NRXN3: variants seen among roughly 807,000 people sequenced by gnomAD.
NRXN3 encodes neurexin 3.
Under a neutral mutation model 137.6 loss-of-function variants are expected in NRXN3, and 32 were observed. The ratio of observed to expected loss-of-function variants is 0.23; its 90% CI spans 0.18 to 0.31. The LOEUF (loss-of-function observed/expected upper bound fraction) is 0.31. Among genes scored for constraint, NRXN3 ranks in the 10% least tolerant of loss-of-function variants. The pLI is 1.00. For synonymous variants in NRXN3, 798 were observed against 784.5 expected, an observed-to-expected ratio of 1.02 and a Z score of -0.29; for missense variants, 1,574 against 2,062.5, an observed-to-expected ratio of 0.76 and a Z score of 4.59.
intron 15 of NRXN3, among the ~76,000 whole-genome samples, chr14:79,131,527 C>T (rs1392552273): frequency 6.6e-6 from 1 of 152,224 alleles, no homozygotes; most frequent in African/African-American, 2.4e-5. Context: ...AGGGGGCAGT[C>T]TGCCCGTTTT....
chr14:79,472,637 G>A (rs144540203), intron 16 of NRXN3, among the ~76,000 whole-genome samples: 145 of 152,276 alleles, frequency 9.5e-4, no homozygotes, highest in African/African-American at 3.4e-3. Flanking sequence ...TATTTCAAAT[G>A]TTAGTTTCCT....
At chr14:78,250,260 A>G in intron 2 of NRXN3, 1 of 347,226 alleles carries the variant, frequency 2.9e-6, no homozygotes, top group Non-Finnish European at 5.7e-6. Context: ...AAAATCGTAC[A>G]TCATGGAGTT....
intron 4 of NRXN3, among the ~76,000 whole-genome samples, chr14:78,639,279 G>A (rs943383732): frequency 1.3e-5 from 2 of 152,122 alleles, no homozygotes; most frequent in African/African-American, 2.4e-5. Context: ...GCTGCTGTAC[G>A]AGACCAATTT....
At chr14:78,552,551 A>G (rs1163039532) in intron 4 of NRXN3, among the ~76,000 whole-genome samples, 1 of 152,188 alleles carries the variant, frequency 6.6e-6, no homozygotes, top group Non-Finnish European at 1.5e-5. Flanking sequence ...CTGTAGCCCC[A>G]GCTACTCAGG....
chr14:78,519,172 A>C (rs1404592748), intron 4 of NRXN3, among the ~76,000 whole-genome samples: 2 of 152,158 alleles, frequency 1.3e-5, no homozygotes, highest in African/African-American at 2.4e-5. Context: ...GTTGAGACTT[A>C]TGGTAGCAAA....
chr14:78,775,475 G>T (rs2098741989), intron 8 of NRXN3, among the ~76,000 whole-genome samples: 1 of 152,044 alleles, frequency 6.6e-6, no homozygotes, highest in Non-Finnish European at 1.5e-5. Context: ...GTATTGTTTT[G>T]TTTTTTGCCC....
chr14:78,363,326 T>C (rs1436762836), intron 4 of NRXN3, among the ~76,000 whole-genome samples: 1 of 152,194 alleles, frequency 6.6e-6, no homozygotes, highest in Non-Finnish European at 1.5e-5. Flanking sequence ...TAGCTATGCC[T>C]CATTTATTTC....
intron 2 of NRXN3, among the ~76,000 whole-genome samples, chr14:78,247,133 C>T (rs895108343): frequency 1.3e-5 from 2 of 152,174 alleles, no homozygotes; most frequent in Non-Finnish European, 1.5e-5. Flanking sequence ...TTATCTCCAG[C>T]CCCCCTGCGG....
chr14:78,243,603 C>T lies in NRXN3; in HGVS notation c.510C>T (p.Pro170=), dbSNP rs377065354. The T allele has an allele frequency of 7.9e-5, 127 of 1,598,326 alleles. No homozygotes were observed. The highest frequency in any genetic ancestry group is 2.0e-4 in the Admixed American group (12 of 60,004). ...ALTLDGVQAM[P]GFKGLILDLK... ...CCCTTGATGGAGTTCAGGCCATGCC[C>T]GGCTTCAAGGGGTTAATTCTGGATC... Residue 170 remains proline, a synonymous_variant, in exon 2 of 21, where the codon CCC becomes CCT. Coordinates refer to ENST00000335750, the MANE Select transcript of NRXN3 (RefSeq NM_001330195.2). This position sits in a 1 kb window ranked among gnomAD's most constrained non-coding sequence, Gnocchi z 4.2.
rs17109341 is a variant in NRXN3, at chr14:79,516,321, A to G, written c.3444+48919A>G. Among the ~76,000 whole-genome samples, 60 of 152,264 alleles carry G rather than the reference A, an allele frequency of 3.9e-4. No homozygotes were observed. In the East Asian group the frequency reaches 9.9e-3, roughly 25 times the overall value. Reference sequence around the variant, plus strand: ...GCAGAGTTAATGCTGCCTGTTTTCCAGGTGACCTCAATCACTGCCTGGGGC... The same window carrying G: ...GCAGAGTTAATGCTGCCTGTTTTCCGGGTGACCTCAATCACTGCCTGGGGC... On this transcript the variant is annotated intron_variant, in intron 16 of 20. Transcript: ENST00000335750.
chr14:79,460,041 A>C (rs951012380), intron 15 of NRXN3, among the ~76,000 whole-genome samples: 1 of 152,094 alleles, frequency 6.6e-6, no homozygotes, highest in Non-Finnish European at 1.5e-5. Flanking sequence ...TGTGTTTCTG[A>C]AAATGTCATT....
chr14:78,229,093 A>G (rs927980514), intron 1 of NRXN3, among the ~76,000 whole-genome samples: 2 of 152,090 alleles, frequency 1.3e-5, no homozygotes, highest in Non-Finnish European at 2.9e-5. Flanking sequence ...ATGGTCCCTT[A>G]AATGTTGAGG....
chr14:79,773,141 A>C lies in NRXN3; in HGVS notation c.4015-31971A>C, dbSNP rs577720310. Among the ~76,000 whole-genome samples, 1,234 of 152,250 alleles carry C rather than the reference A, an allele frequency of 8.1e-3. 11 individuals carry two copies. The highest frequency in any genetic ancestry group is 0.028 in the African/African-American group (1,156 of 41,520). ...AGTCAGGAAACAACAGGTGCTGGAG[A>C]AGATGTGGAGAAATAGGAACACTTT... On this transcript the variant is annotated intron_variant, in intron 19 of 20. Transcript: ENST00000335750.
chr14:78,323,412 C>T (rs1404296833), intron 4 of NRXN3, among the ~76,000 whole-genome samples: 6 of 151,978 alleles, frequency 3.9e-5, no homozygotes, highest in African/African-American at 7.3e-5. Flanking sequence ...TTGGGTAAGA[C>T]GCAGCACACC....
intron 15 of NRXN3, among the ~76,000 whole-genome samples, chr14:79,037,776 G>A (rs1030712159): frequency 6.6e-6 from 1 of 152,102 alleles, no homozygotes; most frequent in Non-Finnish European, 1.5e-5. Context: ...GGAGATGAAG[G>A]GTTGTGGGAT....
intron 4 of NRXN3, among the ~76,000 whole-genome samples, chr14:78,314,059 C>T (rs2078277352): frequency 6.6e-6 from 1 of 152,170 alleles, no homozygotes; most frequent in Non-Finnish European, 1.5e-5. Flanking sequence ...AAAAGCGATT[C>T]ACTTTTTTTT....
At chr14:78,320,297 AC>A (rs1393913126) in intron 4 of NRXN3, among the ~76,000 whole-genome samples, 2 of 152,108 alleles carry the variant, frequency 1.3e-5, no homozygotes, top group African/African-American at 4.8e-5. Flanking sequence ...AGCATTTAAA[AC>A]CTAAATCTGT....
intron 10 of NRXN3, among the ~76,000 whole-genome samples, chr14:78,903,792 T>C (rs2099205690): frequency 6.6e-6 from 1 of 152,088 alleles, no homozygotes; most frequent in Non-Finnish European, 1.5e-5. Flanking sequence ...GAGCAATTTG[T>C]CCAGTGGCCC....
At chr14:79,718,291 G>T (rs1013125067) in intron 19 of NRXN3, among the ~76,000 whole-genome samples, 11 of 152,194 alleles carry the variant, frequency 7.2e-5, no homozygotes, top group Non-Finnish European at 1.5e-4. Context: ...ATGTTGAGCA[G>T]TGTTTGAAAG....
Sources: allele counts gnomAD v4.1 joint callset (sites outside exome capture counted in the v4.1 genomes callset), GRCh38; gene constraint gnomAD v4.1.1; non-coding constraint Gnocchi (gnomAD v3.1); transcripts MANE v1.5; gene names NCBI Gene and HGNC (gene_info 2026-07-23, HGNC 2026-07-21).